PRLR: variants seen among roughly 807,000 people sequenced by gnomAD.
The protein encoded by PRLR is hPRL receptor.
PRLR carries 13 observed loss-of-function variants against 40.2 expected under a neutral mutation model. The observed-to-expected ratio is 0.32, with a 90% CI of 0.21 to 0.51. The LOEUF is 0.51. PRLR is among the 20% of genes least tolerant of loss of function. PRLR has a pLI of 0.97. For missense variants in PRLR, 656 were observed against 747.3 expected (o/e 0.88, Z 1.42); for synonymous variants, 269 against 278.7 (o/e 0.97, Z 0.35).
chr5:35,133,793 G>A (rs953088554), intron 1 of PRLR, among the ~76,000 whole-genome samples: 8 of 152,070 alleles, frequency 5.3e-5, no homozygotes. Flanking sequence ...CATCTGTTGG[G>A]AGCAAAAAAA....
intron 1 of PRLR, among the ~76,000 whole-genome samples, chr5:35,212,358 T>G (rs186336479): frequency 2.0e-5 from 3 of 152,340 alleles, no homozygotes; most frequent in Admixed American, 1.3e-4. Flanking sequence ...AATTCTGGGT[T>G]CCCCACCTAC....
chr5:35,197,826 C>T (rs1439535374), intron 1 of PRLR, among the ~76,000 whole-genome samples: 2 of 152,360 alleles, frequency 1.3e-5, no homozygotes, highest in African/African-American at 4.8e-5. Context: ...ATTTTCTCCC[C>T]ACTTGGGTTT....
chr5:35,084,536 C>T lies in PRLR; in HGVS notation c.307G>A (p.Val103Ile), dbSNP rs1179483892. The change falls in exon 5 of 10, where the codon GTC becomes ATC. Residue 103 changes from valine to isoleucine, a missense_variant. Physicochemically the swap from Val to Ile is conservative, Grantham distance 29 (BLOSUM62 3). This residue lies in a region of PRLR where 180 missense variants were observed against 236.8 expected (regional missense o/e 0.76). Transcript: ENST00000618457. The part of the protein sequence containing the change: ...TSMWRTYIMM[V>I]NATNQMGSSF... ...CTTCCCATCTGGTTAGTGGCATTGA[C>T]CATCATGATGTATGTCCTCCACATG... 8.1e-6 allele frequency: 13 copies of T among 1,603,572 alleles called. No homozygotes were observed. Among genetic ancestry groups the T allele is most frequent in the Non-Finnish European group, 9.3e-6 (11 of 1,177,110 alleles).
chr5:35,065,565 T>C lies in PRLR; in HGVS notation c.1393A>G (p.Ile465Val), dbSNP rs1444506588. 6.8e-6 allele frequency: 11 copies of C among 1,614,036 alleles called. No individual in the cohort carries two copies. The East Asian group carries it at 2.2e-4, about 33-fold the overall frequency. ...GCCTTTCCCTCTTCTCTAGACTTAA[T>C]GGTTTGAGAGGATTTTAAAGCATCT... ...GKDALKSSQT[I>V]KSREEGKATQ... is the part of the protein sequence containing the mutation. The change falls in exon 10 of 10, where the codon ATT becomes GTT. Residue 465 changes from isoleucine to valine, a missense_variant. Transcript: ENST00000618457.
intron 1 of PRLR, among the ~76,000 whole-genome samples, chr5:35,157,248 G>C (rs896269944): frequency 7.9e-5 from 12 of 152,056 alleles, no homozygotes; most frequent in Non-Finnish European, 2.9e-5. Flanking sequence ...TCTTATATCT[G>C]AAATATGCAC....
intron 5 of PRLR, 62 bp downstream of exon 5, chr5:35,084,408 T>G: frequency 7.0e-7 from 1 of 1,432,270 alleles, no homozygotes; most frequent in South Asian, 1.6e-5. Flanking sequence ...TCAAACTGAG[T>G]GTGACTATTG....
intron 1 of PRLR, among the ~76,000 whole-genome samples, chr5:35,200,330 A>T (rs755538773): frequency 6.6e-6 from 1 of 152,156 alleles, no homozygotes; most frequent in East Asian, 1.9e-4. Flanking sequence ...CTGCCCCAGA[A>T]CCTGTCCTCT....
chr5:35,075,232 G>A (rs982035464), intron 5 of PRLR, among the ~76,000 whole-genome samples: 2 of 152,132 alleles, frequency 1.3e-5, no homozygotes, highest in African/African-American at 2.4e-5. Context: ...GGCGAAGCAG[G>A]GCAGGTCATT....
intron 2 of PRLR, among the ~76,000 whole-genome samples, chr5:35,112,720 A>T (rs921593722): frequency 2.0e-5 from 3 of 152,204 alleles, no homozygotes; most frequent in Non-Finnish European, 4.4e-5. Context: ...TACCTGATTT[A>T]GTCACCTCTC....
chr5:35,117,403 G>A (rs66967212), intron 2 of PRLR, among the ~76,000 whole-genome samples: 9,257 of 152,168 alleles, frequency 0.061, 389 homozygotes, highest in African/African-American at 0.11. Flanking sequence ...CGTACATGTC[G>A]AGCTCATCTC....
intron 1 of PRLR, among the ~76,000 whole-genome samples, chr5:35,131,762 C>T (rs1200772201): frequency 6.6e-6 from 1 of 152,150 alleles, no homozygotes; most frequent in East Asian, 1.9e-4. Context: ...GAAGTTATCA[C>T]AGTCAGGAGC....
intron 1 of PRLR, among the ~76,000 whole-genome samples, chr5:35,160,608 T>G (rs1029145771): frequency 6.6e-6 from 1 of 152,162 alleles, no homozygotes. Flanking sequence ...TCACAAGATA[T>G]GCAAATTCCC....
At chr5:35,136,445 C>A (rs757637264) in intron 1 of PRLR, among the ~76,000 whole-genome samples, 1 of 152,144 alleles carries the variant, frequency 6.6e-6, no homozygotes, top group Non-Finnish European at 1.5e-5. Context: ...AGTCTACTCA[C>A]CAGATGCCAG....
chr5:35,182,487 T>C (rs1775319571), intron 1 of PRLR, among the ~76,000 whole-genome samples: 1 of 152,140 alleles, frequency 6.6e-6, no homozygotes, highest in Non-Finnish European at 1.5e-5. Flanking sequence ...CCATCCAGAG[T>C]AGTCTATGGT....
intron 1 of PRLR, among the ~76,000 whole-genome samples, chr5:35,220,719 G>A (rs2111672580): frequency 6.6e-6 from 1 of 152,246 alleles, no homozygotes; most frequent in South Asian, 2.1e-4. Flanking sequence ...TGATGCCCAT[G>A]ATAGTTGACT....
chr5:35,216,271 C>CACTGTTAAAATGCAAATTCTGG (rs57995964), intron 1 of PRLR, among the ~76,000 whole-genome samples: 1 of 152,026 alleles, frequency 6.6e-6, no homozygotes, highest in Non-Finnish European at 1.5e-5. Flanking sequence ...GAGGTTGAAC[C>CACTGTTAAAATGCAAATTCTGG]AAGTGCTCAT....
At chr5:35,080,126 T>A (rs1770405778) in intron 5 of PRLR, among the ~76,000 whole-genome samples, 1 of 152,164 alleles carries the variant, frequency 6.6e-6, no homozygotes, top group African/African-American at 2.4e-5. Flanking sequence ...GACATAGGCA[T>A]GGGCAAGGAC....
At chr5:35,087,540 A>C (rs1453596690) in intron 3 of PRLR, among the ~76,000 whole-genome samples, 1 of 151,352 alleles carries the variant, frequency 6.6e-6, no homozygotes, top group Non-Finnish European at 1.5e-5. Flanking sequence ...GGTCTATAAA[A>C]CTATAATTTG....
At chr5:35,227,065 G>A (rs764017388) in intron 1 of PRLR, among the ~76,000 whole-genome samples, 2 of 152,242 alleles carry the variant, frequency 1.3e-5, no homozygotes, top group African/African-American at 2.4e-5. Flanking sequence ...GTGACAGAGC[G>A]CCAGCCTCAC....
Sources: gnomAD v4.1 joint callset for allele counts (sites outside exome capture counted in the v4.1 genomes callset) on GRCh38, gnomAD v4.1.1 for gene constraint, gnomAD v4.1.1 regional missense constraint, MANE v1.5 for transcripts, NCBI Gene and HGNC (gene_info 2026-07-23, HGNC 2026-07-21) for gene names.